SLC1A2: variants seen among roughly 807,000 people sequenced by gnomAD.
The protein encoded by SLC1A2 is excitatory amino acid transporter 2.
In SLC1A2, 15 loss-of-function variants were observed where a neutral mutation model predicts 48.8. The ratio of observed to expected loss-of-function variants is 0.31; its 90% CI spans 0.21 to 0.47. SLC1A2 has a LOEUF of 0.47. Among genes scored for constraint, SLC1A2 ranks in the 20% least tolerant of loss-of-function variants. The pLI is 0.99. For missense variants in SLC1A2, 502 were observed against 730.5 expected (o/e 0.69, Z 3.61); for synonymous variants, 279 against 272.6 (o/e 1.02, Z -0.23).
At chr11:35,286,532 T>G (rs766528788) in intron 8 of SLC1A2, 1 of 383,346 alleles carries the variant, frequency 2.6e-6, no homozygotes, top group Non-Finnish European at 4.7e-6. Flanking sequence ...ATATCCAATT[T>G]CTAAAGCAAG....
At chr11:35,334,192 G>A (rs1278604520) in intron 1 of SLC1A2, among the ~76,000 whole-genome samples, 1 of 152,126 alleles carries the variant, frequency 6.6e-6, no homozygotes, top group East Asian at 1.9e-4. Flanking sequence ...AATGCGAAGT[G>A]TCAATTACTA....
In SLC1A2 at chr11:35,261,238, G is replaced by A. The variant is rs56207818; in HGVS notation, c.1654-273C>T. ...TTCTACTATGTTTTTAGTGTTGTGG[G>A]GTGTCTAACTACCCAGAGATCCATC... On this transcript the variant is annotated intron_variant, in intron 10 of 10. Coordinates refer to ENST00000278379, the MANE Select transcript of SLC1A2 (RefSeq NM_004171.4). 3.0e-3 allele frequency among the ~76,000 whole-genome samples: 451 copies of A among 152,104 alleles called. 3 individuals are homozygous for A. The highest frequency in any genetic ancestry group is 0.01 in the African/African-American group (424 of 41,484).
At chr11:35,275,379 C>G (rs923117985) in intron 9 of SLC1A2, among the ~76,000 whole-genome samples, 4 of 152,232 alleles carry the variant, frequency 2.6e-5, no homozygotes, top group Admixed American at 1.3e-4. Context: ...TTTATTACCT[C>G]TTCCTGGTAT....
At chr11:35,410,667 T>G (rs1484189198) in intron 1 of SLC1A2, among the ~76,000 whole-genome samples, 5 of 152,126 alleles carry the variant, frequency 3.3e-5, no homozygotes, top group Non-Finnish European at 5.9e-5. Context: ...AGCCTTGCCC[T>G]GTACCGAGGG....
At chr11:35,401,383 G>C (rs1855135322) in intron 1 of SLC1A2, among the ~76,000 whole-genome samples, 3 of 152,134 alleles carry the variant, frequency 2.0e-5, no homozygotes, top group Admixed American at 2.0e-4. Flanking sequence ...TTCTTTCAGG[G>C]CCTGTTATCC....
At chr11:35,313,555 C>T (rs1390800246) in intron 3 of SLC1A2, among the ~76,000 whole-genome samples, 1 of 152,070 alleles carries the variant, frequency 6.6e-6, no homozygotes, top group African/African-American at 2.4e-5. Flanking sequence ...GTCCTTTTTG[C>T]TATGGGGGAA....
chr11:35,391,278 T>C (rs762375193), intron 1 of SLC1A2: 16 of 152,348 alleles, frequency 1.1e-4, no homozygotes, highest in South Asian at 2.1e-4. Context: ...ATATGCACTA[T>C]CTGGCTCTTT....
At chr11:35,356,954 C>T (rs1853494232) in intron 1 of SLC1A2, among the ~76,000 whole-genome samples, 1 of 152,042 alleles carries the variant, frequency 6.6e-6, no homozygotes, top group African/African-American at 2.4e-5. Context: ...AAAGTAAGAT[C>T]TTTTAGGCTG....
chr11:35,322,739 T>C, intron 1 of SLC1A2: 1 of 950,916 alleles, frequency 1.1e-6, no homozygotes, highest in Non-Finnish European at 1.6e-6. Context: ...ACAGTTGTTG[T>C]ATTTGGATAA....
At chr11:35,380,331 G>A (rs1158412742) in intron 1 of SLC1A2, 1 of 398,468 alleles carries the variant, frequency 2.5e-6, no homozygotes, top group South Asian at 1.3e-4. Flanking sequence ...CTTTTGCTTT[G>A]CTTCTGAAAA....
At chr11:35,295,642 G>A (rs1007512318) in intron 6 of SLC1A2, among the ~76,000 whole-genome samples, 1 of 152,340 alleles carries the variant, frequency 6.6e-6, no homozygotes, top group African/African-American at 2.4e-5. Context: ...AGAGCCTGGG[G>A]AGAGGGAATG....
In SLC1A2 at chr11:35,338,019, G is replaced by T. The variant is rs78034019; in HGVS notation, c.18-20503C>A. Among the ~76,000 whole-genome samples the T allele has an allele frequency of 3.5e-4, 54 of 152,252 alleles. No individual in the cohort carries two copies. The East Asian group carries it at 0.01, about 29-fold the overall frequency. ...TTTCTTAAGTGCTTTGCATGTGCCA[G>T]ATCTTATTTGTTCAGGTCTCTAGAA... On this transcript the variant is annotated intron_variant, in intron 1 of 10. Transcript: ENST00000278379.
chr11:35,278,527 C>T (rs1565209101), intron 9 of SLC1A2, among the ~76,000 whole-genome samples: 1 of 152,048 alleles, frequency 6.6e-6, no homozygotes, highest in African/African-American at 2.4e-5. Context: ...GATCTGCCCG[C>T]TTCAGCCTCC....
In SLC1A2 at chr11:35,268,547, C is replaced by A. The variant is rs529860033; in HGVS notation, c.1422-2789G>T. On this transcript the variant is annotated intron_variant, in intron 9 of 10. Coordinates refer to ENST00000278379, the MANE Select transcript of SLC1A2 (RefSeq NM_004171.4). ...GGGCATGGTGGTGTGCACCTATAAT[C>A]CCAGATACTCAGGAGGCTGGGATGG... Among the ~76,000 whole-genome samples, 33 of 151,886 alleles carry A rather than the reference C, an allele frequency of 2.2e-4. No homozygotes were observed. In the South Asian group the frequency reaches 6.7e-3, roughly 31 times the overall value.
At chr11:35,266,865 A>G (rs1158972800) in intron 9 of SLC1A2, among the ~76,000 whole-genome samples, 2 of 152,238 alleles carry the variant, frequency 1.3e-5, no homozygotes, top group Non-Finnish European at 2.9e-5. Flanking sequence ...TCTAGTTGCT[A>G]TTATCAAATC....
At chr11:35,294,802 C>T (rs1287354681) in intron 6 of SLC1A2, among the ~76,000 whole-genome samples, 2 of 152,158 alleles carry the variant, frequency 1.3e-5, no homozygotes, top group Non-Finnish European at 2.9e-5. Flanking sequence ...TAACAGTTTA[C>T]CTCTGGGGCA....
At chr11:35,277,525 G>T (rs142793178) in intron 9 of SLC1A2, among the ~76,000 whole-genome samples, 1 of 152,036 alleles carries the variant, frequency 6.6e-6, no homozygotes, top group Non-Finnish European at 1.5e-5. Context: ...CCACTCAAAG[G>T]CATTTGTATT....
chr11:35,332,205 T>C (rs1326020930), intron 1 of SLC1A2, among the ~76,000 whole-genome samples: 1 of 152,240 alleles, frequency 6.6e-6, no homozygotes, highest in Non-Finnish European at 1.5e-5. Context: ...TGAATTTTTA[T>C]GCACTTCCTG....
chr11:35,325,508 G>T (rs1852211750), intron 1 of SLC1A2, among the ~76,000 whole-genome samples: 4 of 152,224 alleles, frequency 2.6e-5, no homozygotes. Context: ...CTGAAGGAAT[G>T]AATGAATGGA....
Sources: gnomAD v4.1 joint callset for allele counts (sites outside exome capture counted in the v4.1 genomes callset) on GRCh38, gnomAD v4.1.1 for gene constraint, MANE v1.5 for transcripts, NCBI Gene and HGNC (gene_info 2026-07-23, HGNC 2026-07-21) for gene names.